The following EPHB1 variants were observed in gnomAD, a reference collection of about 807,000 sequenced individuals.
EPHB1 encodes the protein EPH receptor B1, also known as ephrin type-B receptor 1.
A neutral mutation model predicts 94.4 loss-of-function variants in EPHB1; 30 were observed. The observed-to-expected ratio is 0.32, with a 90% CI of 0.24 to 0.43. The LOEUF is 0.43. Ranked by LOEUF, EPHB1 falls within the 20% of genes least tolerant of loss-of-function variation. The probability of loss-of-function intolerance (pLI) is 1.00; values close to 1 mark genes in which losing one functional copy is unlikely to be tolerated. For synonymous variants in EPHB1, 522 were observed against 489.1 expected, an observed-to-expected ratio of 1.07 and a Z score of -0.89; for missense variants, 1,055 against 1,308.3, an observed-to-expected ratio of 0.81 and a Z score of 2.99.
intron 5 of EPHB1, among the ~76,000 whole-genome samples, chr3:135,133,723 A>G (rs1033783861): frequency 1.3e-5 from 2 of 152,236 alleles, no homozygotes; most frequent in African/African-American, 2.4e-5. Flanking sequence ...TGTGGGATGC[A>G]TAGCTCAGAA....
intron 12 of EPHB1, among the ~76,000 whole-genome samples, chr3:135,205,412 A>G (rs1160663207): frequency 6.6e-6 from 1 of 152,114 alleles, no homozygotes; most frequent in Admixed American, 6.5e-5. Flanking sequence ...TATACTGTTT[A>G]TGATACCCTC....
At chr3:134,815,944 T>A (rs1384273914) in intron 1 of EPHB1, among the ~76,000 whole-genome samples, 1 of 130,406 alleles carries the variant, frequency 7.7e-6, no homozygotes, top group Non-Finnish European at 1.7e-5. Context: ...ACACATTTGT[T>A]TTTTGGGGGG....
At chr3:135,049,538 A>C (rs1937105885) in intron 3 of EPHB1, among the ~76,000 whole-genome samples, 1 of 152,192 alleles carries the variant, frequency 6.6e-6, no homozygotes, top group South Asian at 2.1e-4. Context: ...TGGATTTCAA[A>C]ATGGAGCATC....
At chr3:135,079,103 A>G (rs1213437036) in intron 3 of EPHB1, among the ~76,000 whole-genome samples, 1 of 140,442 alleles carries the variant, frequency 7.1e-6, no homozygotes, top group East Asian at 2.6e-4. Flanking sequence ...AAAACAAAAC[A>G]AACAAACAAG....
At chr3:135,255,052 C>A (rs539581480) in intron 15 of EPHB1, among the ~76,000 whole-genome samples, 4 of 152,098 alleles carry the variant, frequency 2.6e-5, no homozygotes, top group African/African-American at 9.7e-5. Flanking sequence ...TCTGTGGGAT[C>A]GGTGGTGATA....
intron 1 of EPHB1, among the ~76,000 whole-genome samples, chr3:134,825,761 C>T (rs370973603): frequency 1.3e-5 from 2 of 152,282 alleles, no homozygotes; most frequent in African/African-American, 4.8e-5. Context: ...CTCCAGTCTC[C>T]TTCATCCACC....
intron 1 of EPHB1, among the ~76,000 whole-genome samples, chr3:134,821,802 G>A (rs75553637): frequency 0.07 from 10,680 of 152,214 alleles, 440 homozygotes; most frequent in Non-Finnish European, 0.089. Flanking sequence ...GAGGCTGGGG[G>A]AGCCTGTGCT....
At position 134,887,797 on chromosome 3, in the gene EPHB1, A is replaced by G. The variant is rs566005476; in HGVS notation, c.59-38019A>G. Among the ~76,000 whole-genome samples, 66 of 152,356 alleles carry G rather than the reference A, an allele frequency of 4.3e-4. 1 individual carries two copies. The highest frequency in any genetic ancestry group is 8.8e-4 in the Non-Finnish European group (60 of 68,030). On this transcript the variant is annotated intron_variant, in intron 1 of 15. Coordinates refer to ENST00000398015, the MANE Select transcript of EPHB1 (RefSeq NM_004441.5). ...GAGCTCCTTGTAAGGAGAGAACTAC[A>G]TCAATATTAGAGTAATCATCAAACA...
chr3:134,865,366 G>A (rs560338991), intron 1 of EPHB1, among the ~76,000 whole-genome samples: 2 of 152,138 alleles, frequency 1.3e-5, no homozygotes, highest in South Asian at 4.2e-4. Flanking sequence ...CTGATCTGGG[G>A]GCTCTCATAC....
chr3:134,984,171 CT>C (rs1407134592), intron 3 of EPHB1, among the ~76,000 whole-genome samples: 2 of 152,212 alleles, frequency 1.3e-5, no homozygotes, highest in African/African-American at 4.8e-5. Flanking sequence ...GTTTCATTCA[CT>C]GTGTCTGTGC....
intron 1 of EPHB1, among the ~76,000 whole-genome samples, chr3:134,857,187 G>T (rs2037140595): frequency 6.6e-6 from 1 of 152,178 alleles, no homozygotes; most frequent in Non-Finnish European, 1.5e-5. Context: ...GAGGCCAAGT[G>T]CTGACCCCAC....
At chr3:135,093,568 A>G (rs1241791191) in intron 3 of EPHB1, among the ~76,000 whole-genome samples, 1 of 152,006 alleles carries the variant, frequency 6.6e-6, no homozygotes, top group Non-Finnish European at 1.5e-5. Flanking sequence ...AAAATACAAA[A>G]ATAATTAGCC....
chr3:135,036,875 A>G (rs545372754), intron 3 of EPHB1, among the ~76,000 whole-genome samples: 1 of 152,296 alleles, frequency 6.6e-6, no homozygotes, highest in Non-Finnish European at 1.5e-5. Context: ...AAAAGTGAGC[A>G]GTGGGGCTTG....
intron 3 of EPHB1, among the ~76,000 whole-genome samples, chr3:134,987,545 G>T (rs770418726): frequency 5.3e-5 from 8 of 152,096 alleles, no homozygotes; most frequent in Non-Finnish European, 1.2e-4. Context: ...GGATCACGAG[G>T]TCAGGAGATC....
chr3:134,863,765 A>C (rs1202198074), intron 1 of EPHB1, among the ~76,000 whole-genome samples: 1 of 152,312 alleles, frequency 6.6e-6, no homozygotes, highest in East Asian at 1.9e-4. Context: ...GCATTGTCGT[A>C]CCCAGTTTCA....
At chr3:135,244,267 T>TAC (rs1436746032) in intron 13 of EPHB1, among the ~76,000 whole-genome samples, 2 of 152,196 alleles carry the variant, frequency 1.3e-5, no homozygotes, top group Non-Finnish European at 2.9e-5. Context: ...GACGTTTGCT[T>TAC]ACACTGGCCT....
intron 2 of EPHB1, among the ~76,000 whole-genome samples, chr3:134,931,978 T>C (rs1163139310): frequency 1.3e-5 from 2 of 151,716 alleles, no homozygotes; most frequent in African/African-American, 2.4e-5. Flanking sequence ...TATATATGTA[T>C]GTGTATATAT....
intron 1 of EPHB1, among the ~76,000 whole-genome samples, chr3:134,910,415 G>A (rs1267198985): frequency 6.6e-6 from 1 of 152,224 alleles, no homozygotes; most frequent in African/African-American, 2.4e-5. Flanking sequence ...TTTATGCACA[G>A]AGGCATTCAC....
At chr3:135,157,660 C>A (rs766877572) in intron 6 of EPHB1, among the ~76,000 whole-genome samples, 21 of 152,312 alleles carry the variant, frequency 1.4e-4, no homozygotes, top group Non-Finnish European at 2.1e-4. Flanking sequence ...ATTTGGTATA[C>A]GACTGTGGAA....
Sources: gnomAD v4.1 joint callset for allele counts (sites outside exome capture counted in the v4.1 genomes callset) on GRCh38, gnomAD v4.1.1 for gene constraint, MANE v1.5 for transcripts, NCBI Gene and HGNC (gene_info 2026-07-23, HGNC 2026-07-21) for gene names.